BAIAP2: variants seen among roughly 807,000 people sequenced by gnomAD.
The protein encoded by BAIAP2 is BAR/IMD domain containing adaptor protein 2.
In BAIAP2, 18 loss-of-function variants were observed where a neutral mutation model predicts 63.0. The ratio of observed to expected loss-of-function variants is 0.29; its 90% CI spans 0.20 to 0.42. The LOEUF is 0.42. BAIAP2 is among the 10% of genes least tolerant of loss of function. The pLI, the probability that BAIAP2 is intolerant of heterozygous loss-of-function variation, is 1.00. For synonymous variants in BAIAP2, 386 were observed against 307.6 expected (o/e 1.25, Z -2.67); for missense variants, 610 against 734.3 (o/e 0.83, Z 1.96).
At position 81,053,614 on chromosome 17, in the gene BAIAP2, A is replaced by T; in HGVS notation, c.55-54A>T. 1.9e-6 allele frequency: 3 copies of T among 1,595,988 alleles called. 1 individual carries two copies. Among genetic ancestry groups the T allele is most frequent in the Non-Finnish European group, 2.6e-6 (3 of 1,163,630 alleles). On this transcript the variant is annotated intron_variant, in intron 1 of 13. Coordinates refer to ENST00000428708, the MANE Select transcript of BAIAP2 (RefSeq NM_001144888.2). ...TCTCCTCTGTGTTCGGACCCTTCGG[A>T]GTCACCAGGGTGACCTCTGCCAGTA...
At chr17:81,098,610 A>G (rs2058039592) in intron 6 of BAIAP2, among the ~76,000 whole-genome samples, 1 of 151,690 alleles carries the variant, frequency 6.6e-6, no homozygotes, top group South Asian at 2.1e-4. Flanking sequence ...GTGTGTTCAG[A>G]ATCGGTAGCT....
Position 81,092,849 on chromosome 17 carries a change from CCTT to C in BAIAP2, c.489+6272_489+6274del, listed in dbSNP as rs977847122. 6.2e-4 allele frequency among the ~76,000 whole-genome samples: 95 copies of C among 152,176 alleles called. 1 individual carries two copies. Among genetic ancestry groups the C allele is most frequent in the African/African-American group, 1.2e-3 (51 of 41,436 alleles). Reference sequence around the variant, plus strand: ...GGTGGACATGCTGGGGCAGGGGACACCTTCTCTGTGGGTTTATCAGTGTGTCCG... The same window carrying C: ...GGTGGACATGCTGGGGCAGGGGACACCTCTGTGGGTTTATCAGTGTGTCCG... On this transcript the variant is annotated intron_variant, in intron 6 of 13. Transcript: ENST00000428708.
intron 1 of BAIAP2, among the ~76,000 whole-genome samples, chr17:81,039,925 C>T (rs1311314831): frequency 6.6e-6 from 1 of 152,202 alleles, no homozygotes; most frequent in East Asian, 1.9e-4. Flanking sequence ...TCACCCTTCT[C>T]CCCAGTTCAC....
intron 3 of BAIAP2, among the ~76,000 whole-genome samples, chr17:81,058,443 G>A (rs940194538): frequency 3.3e-5 from 5 of 152,188 alleles, no homozygotes; most frequent in East Asian, 1.9e-4. Context: ...TTCTGTGATC[G>A]CTCCTGTGAC....
At chr17:81,100,150 C>G (rs566527465) in intron 7 of BAIAP2, 70 bp downstream of exon 7, 1 of 1,507,394 alleles carries the variant, frequency 6.6e-7, no homozygotes, top group East Asian at 2.4e-5. Context: ...GGCCCCTGCC[C>G]CAGCCCCAGC....
rs1296393375 is a variant in BAIAP2, at chr17:81,097,926, C to T, written c.490-2002C>T. Among the ~76,000 whole-genome samples, 5 of 152,176 alleles carry T rather than the reference C, an allele frequency of 3.3e-5. No homozygotes were observed. In the East Asian group the frequency reaches 7.7e-4, roughly 23 times the overall value. On this transcript the variant is annotated intron_variant, in intron 6 of 13. Transcript: ENST00000428708. ...ATGGAAAGTTTCCAGCCTACAAAAC[C>T]GGAGAGCCCTTGACATCCAGGGTCC...
intron 13 of BAIAP2, among the ~76,000 whole-genome samples, chr17:81,115,472 C>T (rs2060433712): frequency 6.7e-6 from 1 of 149,384 alleles, no homozygotes; most frequent in African/African-American, 2.6e-5. Flanking sequence ...GCTGGCCTGC[C>T]CCGCCCCACC....
intron 7 of BAIAP2, among the ~76,000 whole-genome samples, chr17:81,100,847 C>T (rs1431006748): frequency 6.6e-6 from 1 of 152,168 alleles, no homozygotes; most frequent in African/African-American, 2.4e-5. Flanking sequence ...GGGTCCTCCC[C>T]TGGCTCCCAG....
In BAIAP2 at chr17:81,103,580, G is replaced by T. The variant is rs1401629705; in HGVS notation, c.721G>T (p.Val241Leu). The T allele has an allele frequency of 1.2e-6, 2 of 1,603,846 alleles. No homozygotes were observed. The highest frequency in any genetic ancestry group is 8.5e-7 in the Non-Finnish European group (1 of 1,179,328). The change falls in exon 8 of 14, where the codon GTG becomes TTG. Residue 241 changes from valine to leucine, a missense_variant. This residue lies in a region of BAIAP2 where 389 missense variants were observed against 455.6 expected (regional missense o/e 0.85). Transcript: ENST00000428708. Reference sequence around the variant, plus strand: ...CCCCAGCAAGATCCCGGAGCGCGCGGTGCAGCTCATGCAGCAGGTGGCCAG... The same window carrying T: ...CCCCAGCAAGATCCCGGAGCGCGCGTTGCAGCTCATGCAGCAGGTGGCCAG... The part of the protein sequence containing the change: ...ADPSKIPERA[V>L]QLMQQVASNG...
At chr17:81,077,221 C>T (rs1234589407) in intron 3 of BAIAP2, among the ~76,000 whole-genome samples, 3 of 152,148 alleles carry the variant, frequency 2.0e-5, no homozygotes, top group Non-Finnish European at 4.4e-5. Flanking sequence ...CTGGTGAGCG[C>T]ATGATGCTGA....
rs767675126 is a variant in BAIAP2, at chr17:81,116,197, TCCTG to T, written c.*362_*365del. Reference sequence around the variant, plus strand: ...GGGAGCCTGGCTGCCCTGCTGCTTCTCCTGCCTAATAAACAGGCTTCTCCTGCAC... The same window carrying T: ...GGGAGCCTGGCTGCCCTGCTGCTTCTCCTAATAAACAGGCTTCTCCTGCAC... On this transcript the variant is annotated 3_prime_UTR_variant, in exon 14 of 14. Coordinates refer to ENST00000428708, the MANE Select transcript of BAIAP2 (RefSeq NM_001144888.2). 90 of 1,607,892 alleles carry T rather than the reference TCCTG, an allele frequency of 5.6e-5. 1 individual carries two copies. In the African/African-American group the frequency reaches 8.3e-4, roughly 15 times the overall value.
chr17:81,049,854 C>T (rs1322706798), intron 1 of BAIAP2, among the ~76,000 whole-genome samples: 1 of 152,246 alleles, frequency 6.6e-6, no homozygotes, highest in Non-Finnish European at 1.5e-5. Context: ...GGAGGCGGGA[C>T]TGGAGTGTAT....
Position 81,103,967 on chromosome 17 carries a change from G to A in BAIAP2, c.925G>A (p.Asp309Asn). ...MNGVTGPDGE[D>N]YSPWADRKAA... ...CGGCGTCACAGGCCCGGATGGCGAG[G>A]ACTACAGCCCGTGGGCTGACCGCAA... The change falls in exon 9 of 14, where the codon GAC (aspartate) becomes AAC (asparagine). Residue 309 changes from aspartate (D) to asparagine (N), a missense_variant. Around this residue, in one of 5 missense-constraint regions of BAIAP2, gnomAD observed 389 missense variants for 455.6 expected, o/e 0.85. Coordinates refer to ENST00000428708, the MANE Select transcript of BAIAP2 (RefSeq NM_001144888.2). The A allele has an allele frequency of 6.2e-7, 1 of 1,613,062 alleles. No homozygotes were observed. The highest frequency in any genetic ancestry group is 8.5e-7 in the Non-Finnish European group (1 of 1,180,022).
In BAIAP2 at chr17:81,088,535, T is replaced by TCACCAGC. The variant is rs2056127310; in HGVS notation, c.489+1957_489+1963dup. 3.9e-5 allele frequency among the ~76,000 whole-genome samples: 6 copies of TCACCAGC among 152,236 alleles called. No homozygotes were observed. In the South Asian group the frequency reaches 8.3e-4, roughly 21 times the overall value. On this transcript the variant is annotated intron_variant, in intron 6 of 13. Transcript: ENST00000428708. ...ACTCCTGGGCCCCTGGCCCCACCAG[T>TCACCAGC]CACCAGCCTGCCATTGGCCTCCGTA...
intron 1 of BAIAP2, among the ~76,000 whole-genome samples, chr17:81,050,860 A>T (rs1451601415): frequency 6.7e-6 from 1 of 148,832 alleles, no homozygotes; most frequent in Non-Finnish European, 1.5e-5. Flanking sequence ...CACTTGGCTG[A>T]TGCCCCCTTC....
intron 1 of BAIAP2, among the ~76,000 whole-genome samples, chr17:81,041,905 GA>G (rs2047131501): frequency 6.6e-6 from 1 of 152,042 alleles, no homozygotes. Flanking sequence ...ATCATATATT[GA>G]ATTCATGTGA....
At chr17:81,054,674 CCTT>C (rs2049175723) in intron 2 of BAIAP2, among the ~76,000 whole-genome samples, 5 of 152,268 alleles carry the variant, frequency 3.3e-5, no homozygotes, top group South Asian at 4.1e-4. Context: ...CCCTGCAGCT[CCTT>C]CTCACAAAGA....
intron 5 of BAIAP2, among the ~76,000 whole-genome samples, chr17:81,086,193 A>T (rs796657232): frequency 9.2e-6 from 1 of 108,232 alleles, no homozygotes; most frequent in Middle Eastern, 4.9e-3. Flanking sequence ...TCCAAGTGTG[A>T]TTTTCATCTT....
At chr17:81,069,301 G>A (rs766878022) in intron 3 of BAIAP2, among the ~76,000 whole-genome samples, 8 of 152,198 alleles carry the variant, frequency 5.3e-5, no homozygotes, top group Admixed American at 3.9e-4. Flanking sequence ...GACTGAACAC[G>A]TGCACACACC....
Sources: allele counts gnomAD v4.1 joint callset (sites outside exome capture counted in the v4.1 genomes callset), GRCh38; gene constraint gnomAD v4.1.1; regional missense constraint gnomAD v4.1.1; transcripts MANE v1.5; gene names NCBI Gene and HGNC (gene_info 2026-07-23, HGNC 2026-07-21).